SH3GL2: variants seen among roughly 807,000 people sequenced by gnomAD.
The protein encoded by SH3GL2 is SH3 domain containing GRB2 like 2, endophilin A1, also known as endophilin-A1.
Under a neutral mutation model 46.0 loss-of-function variants are expected in SH3GL2, and 24 were observed. The observed-to-expected ratio is 0.52, with a 90% CI of 0.38 to 0.73. The LOEUF (loss-of-function observed/expected upper bound fraction) is 0.73. Ranked by LOEUF, SH3GL2 falls within the 30% of genes least tolerant of loss-of-function variation. The probability of loss-of-function intolerance (pLI) is 0.00; values close to 1 mark genes in which losing one functional copy is unlikely to be tolerated. For synonymous variants in SH3GL2, 196 were observed against 147.1 expected (o/e 1.33, Z -2.40); for missense variants, 413 against 424.2 (o/e 0.97, Z 0.23).
chr9:17,579,439 T>G, intron 1 of SH3GL2, 152 bp downstream of exon 1: 1 of 383,088 alleles, frequency 2.6e-6, no homozygotes, highest in Non-Finnish European at 4.5e-6. Flanking sequence ...AGGCGGCGGC[T>G]CGGGGCATCC....
intron 1 of SH3GL2, among the ~76,000 whole-genome samples, chr9:17,617,911 C>G (rs1311871218): frequency 6.6e-6 from 1 of 152,048 alleles, no homozygotes; most frequent in African/African-American, 2.4e-5. Flanking sequence ...CAGCTCAAGA[C>G]TTGAGTTGTA....
At chr9:17,696,724 T>A (rs1821212336) in intron 1 of SH3GL2, among the ~76,000 whole-genome samples, 1 of 152,140 alleles carries the variant, frequency 6.6e-6, no homozygotes, top group Non-Finnish European at 1.5e-5. Flanking sequence ...CCGTGACACA[T>A]GGGGATTATG....
chr9:17,720,542 C>A (rs116182276), intron 1 of SH3GL2, among the ~76,000 whole-genome samples: 1 of 151,974 alleles, frequency 6.6e-6, no homozygotes, highest in Non-Finnish European at 1.5e-5. Flanking sequence ...CAGTTGGCAG[C>A]GCTTATTGGC....
At chr9:17,683,585 C>T (rs1336080934) in intron 1 of SH3GL2, among the ~76,000 whole-genome samples, 4 of 151,984 alleles carry the variant, frequency 2.6e-5, no homozygotes, top group South Asian at 4.1e-4. Context: ...TTGGAACGTC[C>T]TACCCCTATA....
chr9:17,774,720 A>G (rs1386611225), intron 3 of SH3GL2, among the ~76,000 whole-genome samples: 3 of 152,138 alleles, frequency 2.0e-5, no homozygotes, highest in African/African-American at 7.2e-5. Flanking sequence ...AATTTTCACA[A>G]CAATGATCGT....
intron 1 of SH3GL2, among the ~76,000 whole-genome samples, chr9:17,604,486 A>G (rs1475227541): frequency 1.3e-5 from 2 of 152,356 alleles, no homozygotes; most frequent in East Asian, 1.9e-4. Context: ...TGTTACTGGC[A>G]TGTGCTGCAA....
At chr9:17,581,244 C>CTA (rs78167536) in intron 1 of SH3GL2, among the ~76,000 whole-genome samples, 45,099 of 151,898 alleles carry the variant, frequency 0.3, 7,307 homozygotes, top group East Asian at 0.52. Flanking sequence ...CTGTGTCGCC[C>CTA]TAAAGTGTAG....
chr9:17,770,942 A>G (rs570382185), intron 3 of SH3GL2, among the ~76,000 whole-genome samples: 31 of 152,266 alleles, frequency 2.0e-4, no homozygotes, highest in African/African-American at 7.5e-4. Flanking sequence ...CTGACTCTAC[A>G]TTGTTTGCAG....
chr9:17,698,388 C>G (rs996196016), intron 1 of SH3GL2, among the ~76,000 whole-genome samples: 2 of 152,112 alleles, frequency 1.3e-5, no homozygotes, highest in African/African-American at 4.8e-5. Flanking sequence ...GATTACATAA[C>G]AGAGATAGAG....
intron 2 of SH3GL2, among the ~76,000 whole-genome samples, chr9:17,749,671 C>G (rs1438413475): frequency 6.6e-6 from 1 of 152,132 alleles, no homozygotes; most frequent in Non-Finnish European, 1.5e-5. Context: ...CTAAAAAGAA[C>G]AGGAAATTTG....
intron 1 of SH3GL2, among the ~76,000 whole-genome samples, chr9:17,677,094 T>C (rs1025156738): frequency 1.3e-5 from 2 of 152,124 alleles, no homozygotes; most frequent in African/African-American, 4.8e-5. Context: ...CCTGTGGACT[T>C]AGAGGTTGAG....
intron 1 of SH3GL2, among the ~76,000 whole-genome samples, chr9:17,612,120 A>G (rs567512218): frequency 2.6e-5 from 4 of 152,240 alleles, no homozygotes; most frequent in Admixed American, 6.5e-5. Context: ...ACCTGTCTGT[A>G]TGGGGGAAAG....
intron 1 of SH3GL2, among the ~76,000 whole-genome samples, chr9:17,612,819 T>G (rs1456178896): frequency 6.6e-6 from 1 of 152,202 alleles, no homozygotes; most frequent in African/African-American, 2.4e-5. Context: ...CTATAAGCAG[T>G]CACTCACCAT....
At chr9:17,626,354 C>T (rs904244810) in intron 1 of SH3GL2, among the ~76,000 whole-genome samples, 2 of 152,202 alleles carry the variant, frequency 1.3e-5, no homozygotes, top group Admixed American at 6.5e-5. Flanking sequence ...TTGAGCCACT[C>T]TGAGGTTAGA....
At chr9:17,756,973 C>G (rs1451915889) in intron 2 of SH3GL2, among the ~76,000 whole-genome samples, 1 of 152,160 alleles carries the variant, frequency 6.6e-6, no homozygotes, top group African/African-American at 2.4e-5. Context: ...TTCTCCACAT[C>G]CTCTCCAGCA....
At chr9:17,624,282 A>G (rs1474283393) in intron 1 of SH3GL2, among the ~76,000 whole-genome samples, 1 of 152,126 alleles carries the variant, frequency 6.6e-6, no homozygotes, top group Non-Finnish European at 1.5e-5. Context: ...TTTCCTGATT[A>G]TATAATTATT....
At chr9:17,629,148 C>T (rs568422234) in intron 1 of SH3GL2, among the ~76,000 whole-genome samples, 242 of 152,186 alleles carry the variant, frequency 1.6e-3, no homozygotes, top group Non-Finnish European at 2.5e-3. Flanking sequence ...TGGGTTCTAG[C>T]CCCAGTTCTG....
At chr9:17,714,274 A>G (rs1158125911) in intron 1 of SH3GL2, among the ~76,000 whole-genome samples, 5 of 151,712 alleles carry the variant, frequency 3.3e-5, no homozygotes, top group Non-Finnish European at 7.4e-5. Context: ...GGTTTGTAGT[A>G]AGCAAATATC....
At chr9:17,656,751 A>G (rs1371588102) in intron 1 of SH3GL2, among the ~76,000 whole-genome samples, 1 of 145,296 alleles carries the variant, frequency 6.9e-6, no homozygotes, top group East Asian at 2.0e-4. Flanking sequence ...AGCCTGGGCG[A>G]CAGAGTGAGA....
Sources: allele counts gnomAD v4.1 joint callset (sites outside exome capture counted in the v4.1 genomes callset), GRCh38; gene constraint gnomAD v4.1.1; transcripts MANE v1.5; gene names NCBI Gene and HGNC (gene_info 2026-07-23, HGNC 2026-07-21).